LIN54: variants seen among roughly 807,000 people sequenced by gnomAD.
LIN54 encodes protein lin-54 homolog.
Under a neutral mutation model 78.7 loss-of-function variants are expected in LIN54, and 9 were observed. The observed-to-expected ratio is 0.11, with a 90% CI of 0.07 to 0.20. LIN54 has a LOEUF of 0.20. Among genes scored for constraint, LIN54 ranks in the 10% least tolerant of loss-of-function variants. LIN54 has a pLI of 1.00. For synonymous variants in LIN54, 269 were observed against 318.4 expected, an observed-to-expected ratio of 0.84 and a Z score of 1.65; for missense variants, 573 against 889.9, an observed-to-expected ratio of 0.64 and a Z score of 4.53.
chr4:82,958,910 C>A (rs938925181), intron 4 of LIN54, among the ~76,000 whole-genome samples: 1 of 152,122 alleles, frequency 6.6e-6, no homozygotes, highest in Admixed American at 6.6e-5. Flanking sequence ...CCGTGTTGGG[C>A]AGGCTGGTCG....
At chr4:82,998,928 A>G (rs947401559) in intron 1 of LIN54, among the ~76,000 whole-genome samples, 1 of 152,184 alleles carries the variant, frequency 6.6e-6, no homozygotes, top group African/African-American at 2.4e-5. Flanking sequence ...TTATCCACAC[A>G]AACAAATTAT....
At chr4:82,963,804 CAA>C (rs575408549) in intron 4 of LIN54, among the ~76,000 whole-genome samples, 6 of 151,956 alleles carry the variant, frequency 3.9e-5, no homozygotes, top group Admixed American at 6.6e-5. Flanking sequence ...AAAGATGAGA[CAA>C]AGAGAAAACT....
chr4:82,962,897 G>T lies in LIN54; in HGVS notation c.951+7430C>A, dbSNP rs78149914. On this transcript the variant is annotated intron_variant, in intron 4 of 12. Transcript: ENST00000340417. Reference sequence around the variant, plus strand: ...TAAAACTGAACTCTTAAAATGAGAAGATCAAAGTTAAGTTTAAGAACTATT... The same window carrying T: ...TAAAACTGAACTCTTAAAATGAGAATATCAAAGTTAAGTTTAAGAACTATT... Among the ~76,000 whole-genome samples the T allele has an allele frequency of 7.1e-3, 1,085 of 151,876 alleles. 15 individuals carry two copies. Among genetic ancestry groups the T allele is most frequent in the Middle Eastern group, 0.01 (3 of 294 alleles).
intron 1 of LIN54, among the ~76,000 whole-genome samples, chr4:83,008,169 A>G (rs1327465637): frequency 1.3e-5 from 2 of 152,104 alleles, no homozygotes; most frequent in Admixed American, 6.6e-5. Flanking sequence ...ATCCTACACT[A>G]AGTTACATTT....
chr4:82,954,526 T>C (rs1034671949), intron 4 of LIN54, among the ~76,000 whole-genome samples: 1 of 152,126 alleles, frequency 6.6e-6, no homozygotes, highest in African/African-American at 2.4e-5. Context: ...CAGGTGACTC[T>C]CCCACTTCAG....
chr4:82,951,559 A>G (rs1489505388), intron 4 of LIN54, among the ~76,000 whole-genome samples: 1 of 152,198 alleles, frequency 6.6e-6, no homozygotes, highest in Non-Finnish European at 1.5e-5. Context: ...GCCTAGGAAC[A>G]GAGTGCTAAA....
intron 2 of LIN54, 88 bp from the exon 3 acceptor site, chr4:82,979,094 C>A: frequency 9.6e-7 from 1 of 1,042,696 alleles, no homozygotes; most frequent in Non-Finnish European, 1.4e-6. Flanking sequence ...CACAAAGTAG[C>A]ACATGTAAAA....
chr4:83,000,827 C>CTTTTTTTTTTTTTTTTTT (rs1553959274), intron 1 of LIN54, among the ~76,000 whole-genome samples: 1 of 120,540 alleles, frequency 8.3e-6, no homozygotes, highest in African/African-American at 3.2e-5. Flanking sequence ...GCAATAAATT[C>CTTTTTTTTTTTTTTTTTT]TTTTTTTTTT....
In LIN54 at chr4:82,926,408, A is replaced by G. The variant is rs1203652414; in HGVS notation, c.*1694T>C. ...TTATAAATCCAAATTTAAAAGGAAG[A>G]TACTTTAGTGAATAACGGAATCCTC... On this transcript the variant is annotated 3_prime_UTR_variant, in exon 13 of 13. Transcript: ENST00000340417. 1 of 152,484 alleles carries G rather than the reference A, an allele frequency of 6.6e-6. No homozygotes were observed. The highest frequency in any genetic ancestry group is 1.5e-5 in the Non-Finnish European group (1 of 67,986). 9.4% of individuals were successfully genotyped at this position (152,484 alleles called of 1,614,324 possible).
chr4:82,935,697 A>G (rs759838995), intron 11 of LIN54, among the ~76,000 whole-genome samples: 8 of 152,148 alleles, frequency 5.3e-5, no homozygotes, highest in Non-Finnish European at 1.2e-4. Context: ...TTGAAAATCA[A>G]TATATTGGTG....
chr4:82,940,252 A>G (rs1319273072), intron 5 of LIN54, among the ~76,000 whole-genome samples: 2 of 152,270 alleles, frequency 1.3e-5, no homozygotes, highest in African/African-American at 4.8e-5. Flanking sequence ...CAGATGATTT[A>G]TACATTCAGT....
intron 5 of LIN54, among the ~76,000 whole-genome samples, chr4:82,942,860 G>A (rs11932913): frequency 1.0e-4 from 4 of 38,552 alleles, no homozygotes; most frequent in South Asian, 1.7e-3. Flanking sequence ...GTGTGCGCGC[G>A]CACACACACA....
In LIN54 at chr4:82,927,825, GAAA is replaced by G. The variant is rs538028985; in HGVS notation, c.*274_*276del. The G allele has an allele frequency of 0.013, 2,214 of 176,118 alleles. 45 individuals carry two copies. The African/African-American group carries it at 0.13, about 11-fold the overall frequency. The allele number at this position is 176,118 out of a possible 1,614,324, so 10.9% of individuals were successfully genotyped here. A position where few individuals can be genotyped will look rare whatever the true frequency, so the allele number is the denominator to read the frequency against. On this transcript the variant is annotated 3_prime_UTR_variant, in exon 13 of 13. Transcript: ENST00000340417. ...TAAACATTTTTTGTCAAAGGTATCA[GAAA>G]GAGAACATCTAATTCTTAAGAAACC... is the stretch of plus-strand genomic sequence containing the variant.
intron 4 of LIN54, among the ~76,000 whole-genome samples, chr4:82,958,902 G>A (rs886930574): frequency 4.6e-5 from 7 of 151,926 alleles, no homozygotes; most frequent in Admixed American, 2.0e-4. Flanking sequence ...GGGTTTCACC[G>A]TGTTGGGCAG....
At chr4:82,945,866 T>A (rs1448817403) in intron 5 of LIN54, among the ~76,000 whole-genome samples, 1 of 152,224 alleles carries the variant, frequency 6.6e-6, no homozygotes, top group East Asian at 1.9e-4. Flanking sequence ...AAGTTCTTTC[T>A]TACTTACACC....
chr4:82,939,458 G>C, intron 7 of LIN54, 81 bp downstream of exon 7: 1 of 1,171,348 alleles, frequency 8.5e-7, no homozygotes. Flanking sequence ...AGATGTGTTT[G>C]AGTAGCTTCT....
chr4:82,956,906 T>G (rs1447802587), intron 4 of LIN54, among the ~76,000 whole-genome samples: 1 of 152,146 alleles, frequency 6.6e-6, no homozygotes, highest in Non-Finnish European at 1.5e-5. Flanking sequence ...ATTACAGGTG[T>G]GAGCCACCAT....
chr4:82,991,645 A>G (rs2126095541), intron 1 of LIN54, among the ~76,000 whole-genome samples: 1 of 152,298 alleles, frequency 6.6e-6, no homozygotes, highest in Middle Eastern at 3.4e-3. Flanking sequence ...TTTCTTTACC[A>G]GGTTGAGAAA....
chr4:82,930,653 T>C (rs565734069), intron 12 of LIN54, among the ~76,000 whole-genome samples: 4 of 152,300 alleles, frequency 2.6e-5, no homozygotes, highest in Admixed American at 6.5e-5. Flanking sequence ...GCGAGACATA[T>C]GAACATCTGC....
Sources: gnomAD v4.1 joint callset for allele counts (sites outside exome capture counted in the v4.1 genomes callset) on GRCh38, gnomAD v4.1.1 for gene constraint, MANE v1.5 for transcripts, NCBI Gene and HGNC (gene_info 2026-07-23, HGNC 2026-07-21) for gene names.